Variants in TM7SF3 observed in about 807,000 individuals in gnomAD.
TM7SF3 encodes the protein seven span transmembrane protein.
Under a neutral mutation model 65.5 loss-of-function variants are expected in TM7SF3, and 60 were observed. That is an observed-to-expected ratio of 0.92 (90% CI 0.74 to 1.14). The LOEUF (loss-of-function observed/expected upper bound fraction) is 1.14, where lower values mean the gene tolerates loss of function less well. TM7SF3 is among the 50% of genes most tolerant of loss of function. TM7SF3 has a pLI of 0.00. For missense variants in TM7SF3, 623 were observed against 684.8 expected (o/e 0.91, Z 1.01); for synonymous variants, 264 against 259.6 (o/e 1.02, Z -0.16).
intron 9 of TM7SF3, chr12:26,978,396 A>C (rs1480629290): frequency 6.5e-6 from 1 of 153,146 alleles, no homozygotes; most frequent in Non-Finnish European, 1.5e-5. Flanking sequence ...TATAAGCTAG[A>C]AAGGGAACTA....
intron 5 of TM7SF3, among the ~76,000 whole-genome samples, chr12:26,991,127 A>G (rs1043782400): frequency 6.9e-6 from 1 of 145,914 alleles, no homozygotes; most frequent in African/African-American, 2.5e-5. Context: ...AGGTTTTGTT[A>G]TGTAGTAGTA....
chr12:26,992,898 C>T (rs1390427500), intron 5 of TM7SF3, among the ~76,000 whole-genome samples: 1 of 148,100 alleles, frequency 6.8e-6, no homozygotes, highest in Non-Finnish European at 1.5e-5. Flanking sequence ...CAGATTTTCC[C>T]TAATGTCTTT....
Position 27,003,306 on chromosome 12 carries a change from G to A in TM7SF3, c.176C>T (p.Ser59Leu), listed in dbSNP as rs980081762. 5.6e-6 allele frequency: 9 copies of A among 1,613,296 alleles called. No homozygotes were observed. The highest frequency in any genetic ancestry group is 7.6e-6 in the Non-Finnish European group (9 of 1,179,516). Residue 59 changes from serine (S) to leucine (L), a missense_variant, in exon 2 of 12, where the codon TCA becomes TTA. Physicochemically the swap from Ser to Leu is moderately radical, Grantham distance 145. Transcript: ENST00000343028. ...FPEEAILHDI[S>L]SNVTFLIFQI... ...GAAAATAAGAAAAGTCACATTGCTT[G>A]AAATATCATGCAAAATAGCTTCCTC...
intron 5 of TM7SF3, among the ~76,000 whole-genome samples, chr12:26,994,973 C>T (rs1406270783): frequency 1.3e-5 from 2 of 152,176 alleles, no homozygotes; most frequent in African/African-American, 4.8e-5. Flanking sequence ...TTACCACCTC[C>T]TTCCATTCAC....
chr12:26,973,475 C>T lies in TM7SF3; in HGVS notation c.*490G>A, dbSNP rs1394965800. 6.5e-6 allele frequency: 1 copy of T among 152,962 alleles called. No homozygotes were observed. The highest frequency in any genetic ancestry group is 1.5e-5 in the Non-Finnish European group (1 of 68,706). The allele number at this position is 152,962 out of a possible 1,614,324, so 9.5% of individuals were successfully genotyped here. A position where few individuals can be genotyped will look rare whatever the true frequency, so the allele number is the denominator to read the frequency against. ...GGTGTGAGCCACCATGTCTGGCTTG[C>T]TTCTCTTTTTGTATTCTAAAATTCA... is the stretch of plus-strand genomic sequence containing the variant. On this transcript the variant is annotated 3_prime_UTR_variant, in exon 12 of 12. Coordinates refer to ENST00000343028, the MANE Select transcript of TM7SF3 (RefSeq NM_016551.3).
Position 26,990,846 on chromosome 12 carries a change from T to G in TM7SF3, c.691-219A>C, listed in dbSNP as rs1175709245. On this transcript the variant is annotated intron_variant, in intron 5 of 11. Coordinates refer to ENST00000343028, the MANE Select transcript of TM7SF3 (RefSeq NM_016551.3). ...ACACAAAATGCTTCCAAAGGTTTTT[T>G]TTAATAGTTTAAGGAAAATGCGATA... 2.6e-5 allele frequency among the ~76,000 whole-genome samples: 4 copies of G among 152,240 alleles called. No homozygotes were observed. The East Asian group carries it at 7.7e-4, about 29-fold the overall frequency.
At chr12:26,975,427 C>T (rs1939522402) in intron 11 of TM7SF3, 69 bp downstream of exon 11, 1 of 1,531,846 alleles carries the variant, frequency 6.5e-7, no homozygotes, top group Non-Finnish European at 8.9e-7. Context: ...TCCAAGTGCT[C>T]TGGTTAGCAT....
At chr12:27,008,100 G>GT (rs1012897803) in intron 1 of TM7SF3, among the ~76,000 whole-genome samples, 1 of 151,734 alleles carries the variant, frequency 6.6e-6, no homozygotes, top group African/African-American at 2.4e-5. Context: ...AGGTAATAGG[G>GT]TATTCTCATC....
At chr12:27,014,030 A>C in intron 1 of TM7SF3, 48 bp downstream of exon 1, 3 of 1,501,878 alleles carry the variant, frequency 2.0e-6, no homozygotes, top group Non-Finnish European at 2.7e-6. Context: ...CCTCGCAAGA[A>C]ATGCAAAAGC....
intron 11 of TM7SF3, among the ~76,000 whole-genome samples, 194 bp from the exon 12 acceptor site, chr12:26,974,421 T>A (rs961681671): frequency 6.6e-6 from 1 of 152,308 alleles, no homozygotes; most frequent in Admixed American, 6.5e-5. Flanking sequence ...TTTTTGAAAC[T>A]AGGAATTTTC....
rs552331818 is a variant in TM7SF3 at position 26,972,858 on chromosome 12, T to C, written c.*1107A>G. On this transcript the variant is annotated 3_prime_UTR_variant, in exon 12 of 12. Coordinates refer to ENST00000343028, the MANE Select transcript of TM7SF3 (RefSeq NM_016551.3). ...CTGTTGACACTATTTGAAAAGGCCT[T>C]GAAAAAAAAAAGGGGGCCATTATTT... Among the ~76,000 whole-genome samples, 1 of 150,534 alleles carries C rather than the reference T, an allele frequency of 6.6e-6. No homozygotes were observed. The highest frequency in any genetic ancestry group is 1.5e-5 in the Non-Finnish European group (1 of 67,618).
intron 2 of TM7SF3, among the ~76,000 whole-genome samples, chr12:27,002,440 A>T (rs1028294346): frequency 6.6e-6 from 1 of 152,210 alleles, no homozygotes; most frequent in Non-Finnish European, 1.5e-5. Context: ...CTCTAAAAAA[A>T]AAAATAAAAA....
intron 9 of TM7SF3, chr12:26,977,887 G>A (rs1444691240): frequency 7.0e-6 from 2 of 285,216 alleles, no homozygotes; most frequent in East Asian, 1.1e-4. Context: ...AGGACTGCCT[G>A]AGCCCAGTTT....
At chr12:26,991,488 T>C (rs943365513) in intron 5 of TM7SF3, among the ~76,000 whole-genome samples, 1 of 152,222 alleles carries the variant, frequency 6.6e-6, no homozygotes, top group Non-Finnish European at 1.5e-5. Flanking sequence ...TTGTAAACTA[T>C]AAAATAGAAG....
intron 1 of TM7SF3, among the ~76,000 whole-genome samples, chr12:27,011,462 A>G (rs1941241620): frequency 6.6e-6 from 1 of 152,326 alleles, no homozygotes; most frequent in East Asian, 1.9e-4. Context: ...CAGACATTCT[A>G]GGAACTCCAT....
At chr12:26,999,409 C>T in intron 3 of TM7SF3, 117 bp downstream of exon 3, 2 of 1,128,478 alleles carry the variant, frequency 1.8e-6, no homozygotes, top group South Asian at 1.6e-5. Context: ...AAAAAAAAAT[C>T]CGATTATATA....
Position 26,976,366 on chromosome 12 carries a change from G to C in TM7SF3, c.1190-9C>G, listed in dbSNP as rs1370341800. On this transcript the variant is annotated splice_polypyrimidine_tract_variant and intron_variant, in intron 9 of 11. Coordinates refer to ENST00000343028, the MANE Select transcript of TM7SF3 (RefSeq NM_016551.3). ...AAAAATCTTTAGGTTTCCTGAAAAA[G>C]CAAAAAGAAACTAAGAGTAAACAAC... The C allele has an allele frequency of 6.2e-7, 1 of 1,601,512 alleles. No individual in the cohort carries two copies. The highest frequency in any genetic ancestry group is 8.5e-7 in the Non-Finnish European group (1 of 1,169,756).
intron 3 of TM7SF3, among the ~76,000 whole-genome samples, chr12:26,998,934 C>G (rs1361857490): frequency 6.6e-6 from 1 of 152,184 alleles, no homozygotes; most frequent in Non-Finnish European, 1.5e-5. Context: ...TTCATGACGT[C>G]GAGCTTACTG....
rs998622084 is a variant in TM7SF3, at chr12:26,979,948, G to C, written c.1037-12C>G. 6.2e-7 allele frequency: 1 copy of C among 1,614,068 alleles called. No individual in the cohort carries two copies. The highest frequency in any genetic ancestry group is 8.5e-7 in the Non-Finnish European group (1 of 1,179,986). On this transcript the variant is annotated splice_polypyrimidine_tract_variant and intron_variant, in intron 8 of 11. Transcript: ENST00000343028. ...CAGAATCAGATTCACTGTACAAAGA[G>C]AGAGGATGAACTGCTGGATAACCGG... is the stretch of plus-strand genomic sequence containing the variant.
Sources: allele counts gnomAD v4.1 joint callset (sites outside exome capture counted in the v4.1 genomes callset), GRCh38; gene constraint gnomAD v4.1.1; transcripts MANE v1.5; gene names NCBI Gene and HGNC (gene_info 2026-07-23, HGNC 2026-07-21).